Variants in MAP3K20 observed in about 807,000 individuals in gnomAD.
MAP3K20 encodes HCCS-4.
Under a neutral mutation model 85.7 loss-of-function variants are expected in MAP3K20, and 40 were observed. That is an observed-to-expected ratio of 0.47 (90% CI 0.36 to 0.61). The LOEUF (loss-of-function observed/expected upper bound fraction) is 0.61. Ranked by LOEUF, MAP3K20 falls within the 20% of genes least tolerant of loss-of-function variation. The pLI is 0.00. For missense variants in MAP3K20, 817 were observed against 961.7 expected (o/e 0.85, Z 1.99); for synonymous variants, 325 against 327.7 (o/e 0.99, Z 0.09).
chr2:173,225,499 C>G (rs1486724216), intron 11 of MAP3K20: 1 of 731,548 alleles, frequency 1.4e-6, no homozygotes, highest in Admixed American at 6.5e-5. Context: ...GAGGCTGAGG[C>G]AGGAGAATCA....
chr2:173,172,838 C>T (rs1334745953), intron 3 of MAP3K20, among the ~76,000 whole-genome samples: 3 of 150,508 alleles, frequency 2.0e-5, no homozygotes, highest in East Asian at 1.9e-4. Context: ...CTTGCTGTGT[C>T]GCCAGGCTGA....
intron 11 of MAP3K20, chr2:173,227,256 T>G: frequency 3.7e-6 from 2 of 538,476 alleles, no homozygotes; most frequent in Non-Finnish European, 4.8e-6. Context: ...AGCTTTTCTC[T>G]CCTAAAGTCA....
chr2:173,087,440 G>T (rs74405437), intron 1 of MAP3K20, among the ~76,000 whole-genome samples: 1,688 of 152,266 alleles, frequency 0.011, 20 homozygotes, highest in Middle Eastern at 0.024. Context: ...ATGACATGAA[G>T]TCAAAGTGGC....
intron 18 of MAP3K20, among the ~76,000 whole-genome samples, chr2:173,261,961 G>C (rs947080354): frequency 2.0e-5 from 3 of 149,108 alleles, no homozygotes; most frequent in African/African-American, 7.4e-5. Flanking sequence ...AGGCTGCAGT[G>C]AGCCGAGATC....
intron 10 of MAP3K20, chr2:173,212,918 G>GAATT (rs1164211893): frequency 6.6e-6 from 1 of 151,596 alleles, no homozygotes; most frequent in African/African-American, 2.4e-5. Context: ...AATAAACAGA[G>GAATT]AATTAAAATA....
At chr2:173,244,785 T>C (rs189909254) in intron 16 of MAP3K20, among the ~76,000 whole-genome samples, 46 of 152,312 alleles carry the variant, frequency 3.0e-4, no homozygotes, top group Non-Finnish European at 5.0e-4. Flanking sequence ...CACGAAAACC[T>C]TGTTGCCTTG....
chr2:173,238,264 A>T, intron 14 of MAP3K20, 109 bp from the exon 15 acceptor site: 1 of 883,672 alleles, frequency 1.1e-6, no homozygotes, highest in Non-Finnish European at 1.8e-6. Context: ...TGCCCCCAAG[A>T]TATTTTATGA....
chr2:173,161,995 A>G (rs1166330885), intron 2 of MAP3K20, among the ~76,000 whole-genome samples: 1 of 152,186 alleles, frequency 6.6e-6, no homozygotes, highest in Non-Finnish European at 1.5e-5. Flanking sequence ...ATATGTTCTT[A>G]TATATATTAC....
intron 2 of MAP3K20, among the ~76,000 whole-genome samples, chr2:173,126,391 T>A (rs1386223905): frequency 6.6e-6 from 1 of 152,180 alleles, no homozygotes. Context: ...TTTTTGTTTT[T>A]GTTTTTGAGA....
intron 11 of MAP3K20, among the ~76,000 whole-genome samples, chr2:173,219,860 C>CTT (rs1684184478): frequency 6.6e-6 from 1 of 151,888 alleles, no homozygotes; most frequent in Non-Finnish European, 1.5e-5. Flanking sequence ...CGAGGTCAGG[C>CTT]GTTCAAGACC....
At chr2:173,239,793 C>T (rs1559295214) in intron 16 of MAP3K20, among the ~76,000 whole-genome samples, 1 of 152,142 alleles carries the variant, frequency 6.6e-6, no homozygotes, top group Non-Finnish European at 1.5e-5. Flanking sequence ...CTGTGTATAC[C>T]ACTCATGTCA....
rs568495939 is a variant in MAP3K20, at chr2:173,091,482, C to T, written c.159+292C>T. 3.9e-5 allele frequency among the ~76,000 whole-genome samples: 6 copies of T among 152,278 alleles called. No individual in the cohort carries two copies. The East Asian group carries it at 1.2e-3, about 29-fold the overall frequency. ...CTGGAGGCAGAGGTGAGATTTTAGA[C>T]CTTCCCAGGGTTCAAGCTTTTCTCT... On this transcript the variant is annotated intron_variant, in intron 2 of 19. Coordinates refer to ENST00000375213, the MANE Select transcript of MAP3K20 (RefSeq NM_016653.3).
chr2:173,258,669 C>G, intron 16 of MAP3K20, 30 bp from the exon 17 acceptor site: 1 of 1,388,698 alleles, frequency 7.2e-7, no homozygotes, highest in Admixed American at 1.8e-5. Context: ...TTCACTTTCT[C>G]AAATTCTGTA....
chr2:173,236,772 T>A (rs1384515732), intron 14 of MAP3K20, among the ~76,000 whole-genome samples: 2 of 152,178 alleles, frequency 1.3e-5, no homozygotes, highest in African/African-American at 2.4e-5. Flanking sequence ...GGGCCCTGCA[T>A]AGACTCTCAA....
At chr2:173,178,575 C>T (rs1289884544) in intron 3 of MAP3K20, among the ~76,000 whole-genome samples, 1 of 152,054 alleles carries the variant, frequency 6.6e-6, no homozygotes, top group Non-Finnish European at 1.5e-5. Flanking sequence ...ACCCAGGAGG[C>T]GGAGGTTGCT....
chr2:173,238,515 A>C, intron 15 of MAP3K20, 80 bp downstream of exon 15: 1 of 1,276,286 alleles, frequency 7.8e-7, no homozygotes, highest in Non-Finnish European at 1.1e-6. Context: ...TAAATTTGCC[A>C]ATGTCAGTAA....
chr2:173,149,411 A>G (rs1689231636), intron 2 of MAP3K20, among the ~76,000 whole-genome samples: 1 of 150,748 alleles, frequency 6.6e-6, no homozygotes, highest in South Asian at 2.2e-4. Flanking sequence ...TGTACTATAT[A>G]TAGTAACATA....
chr2:173,167,008 G>T (rs1689849273), intron 2 of MAP3K20, among the ~76,000 whole-genome samples: 1 of 149,926 alleles, frequency 6.7e-6, no homozygotes. Context: ...CGCCTCCCGG[G>T]TTCACGCCAT....
chr2:173,149,022 AATTTT>A (rs1241838080), intron 2 of MAP3K20, among the ~76,000 whole-genome samples: 1 of 152,224 alleles, frequency 6.6e-6, no homozygotes, highest in Non-Finnish European at 1.5e-5. Context: ...TCATAGAAGG[AATTTT>A]GAACCCCAGA....
Sources: allele counts gnomAD v4.1 joint callset (sites outside exome capture counted in the v4.1 genomes callset), GRCh38; gene constraint gnomAD v4.1.1; transcripts MANE v1.5; gene names NCBI Gene and HGNC (gene_info 2026-07-23, HGNC 2026-07-21).